Variants in ACOXL observed in about 807,000 individuals in gnomAD.
The protein encoded by ACOXL is acyl-CoA oxidase like.
ACOXL carries 70 observed loss-of-function variants against 71.9 expected under a neutral mutation model. That is an observed-to-expected ratio of 0.97 (90% CI 0.80 to 1.19). ACOXL has a LOEUF of 1.19. ACOXL is among the 50% of genes most tolerant of loss of function. The pLI is 0.00. For synonymous variants in ACOXL, 253 were observed against 281.6 expected (o/e 0.90, Z 1.02); for missense variants, 703 against 736.3 (o/e 0.95, Z 0.52).
intron 10 of ACOXL, among the ~76,000 whole-genome samples, chr2:110,866,176 G>A (rs1398084670): frequency 6.6e-6 from 1 of 152,198 alleles, no homozygotes; most frequent in Admixed American, 6.5e-5. Flanking sequence ...CCTGGGGACA[G>A]CAGTGTCAGG....
intron 7 of ACOXL, among the ~76,000 whole-genome samples, chr2:110,800,457 A>G (rs542822546): frequency 8.5e-5 from 13 of 152,134 alleles, no homozygotes; most frequent in African/African-American, 2.9e-4. Flanking sequence ...TGTAAAGACT[A>G]TCTTCAAATA....
At chr2:111,072,047 G>A (rs2067366892) in intron 16 of ACOXL, among the ~76,000 whole-genome samples, 1 of 152,200 alleles carries the variant, frequency 6.6e-6, no homozygotes, top group African/African-American at 2.4e-5. Flanking sequence ...TTCAATGAAA[G>A]AACAGGGAGA....
intron 11 of ACOXL, among the ~76,000 whole-genome samples, chr2:110,927,073 A>G (rs1304597039): frequency 6.6e-6 from 1 of 152,210 alleles, no homozygotes; most frequent in African/African-American, 2.4e-5. Context: ...AGGAGGCATC[A>G]GGAAACTTAC....
intron 12 of ACOXL, among the ~76,000 whole-genome samples, chr2:110,965,886 C>T (rs1434246536): frequency 6.6e-6 from 1 of 152,188 alleles, no homozygotes; most frequent in Non-Finnish European, 1.5e-5. Context: ...TACACATCCC[C>T]TGTATCTCTA....
intron 1 of ACOXL, among the ~76,000 whole-genome samples, chr2:110,746,046 C>T (rs930082264): frequency 6.6e-6 from 1 of 152,090 alleles, no homozygotes. Context: ...TCTCTGTATC[C>T]TCTACCTTAC....
intron 7 of ACOXL, among the ~76,000 whole-genome samples, chr2:110,800,396 C>T (rs955092936): frequency 7.2e-5 from 11 of 152,168 alleles, no homozygotes; most frequent in African/African-American, 2.7e-4. Context: ...AGAACAGAAG[C>T]CATTTAGATT....
intron 9 of ACOXL, among the ~76,000 whole-genome samples, chr2:110,809,294 G>T (rs758221592): frequency 1.6e-4 from 24 of 152,244 alleles, no homozygotes; most frequent in Non-Finnish European, 3.2e-4. Flanking sequence ...ACACTTGGCA[G>T]TGTGGCCCTG....
intron 13 of ACOXL, among the ~76,000 whole-genome samples, chr2:110,988,145 A>G (rs2063014802): frequency 1.3e-5 from 2 of 152,244 alleles, no homozygotes. Flanking sequence ...TCTTAGCAGA[A>G]TATTGATTTC....
At chr2:110,864,673 A>G (rs778270124) in intron 10 of ACOXL, among the ~76,000 whole-genome samples, 5 of 152,202 alleles carry the variant, frequency 3.3e-5, no homozygotes, top group Non-Finnish European at 7.3e-5. Context: ...AAGAGAGAGC[A>G]TTGCTAACAT....
intron 9 of ACOXL, among the ~76,000 whole-genome samples, chr2:110,825,982 C>T (rs1355703752): frequency 6.6e-6 from 1 of 152,274 alleles, no homozygotes; most frequent in Non-Finnish European, 1.5e-5. Context: ...TCAGTGATTG[C>T]ACCAGAGTGA....
chr2:111,056,304 G>T (rs1367892353), intron 16 of ACOXL, among the ~76,000 whole-genome samples: 1 of 151,816 alleles, frequency 6.6e-6, no homozygotes, highest in Admixed American at 6.6e-5. Context: ...CTATGCCATT[G>T]AAGCCCGGGA....
intron 9 of ACOXL, among the ~76,000 whole-genome samples, chr2:110,832,770 A>T (rs956168646): frequency 6.6e-6 from 1 of 152,220 alleles, no homozygotes; most frequent in African/African-American, 2.4e-5. Flanking sequence ...GGTAAAAGAG[A>T]TTAAGAGCTA....
chr2:110,751,178 G>T (rs1474724270), intron 1 of ACOXL, among the ~76,000 whole-genome samples: 3 of 151,832 alleles, frequency 2.0e-5, no homozygotes, highest in Non-Finnish European at 4.4e-5. Context: ...GCGGGTGCCT[G>T]TAGTCCCAGC....
intron 5 of ACOXL, among the ~76,000 whole-genome samples, chr2:110,795,225 G>C (rs1685148541): frequency 6.6e-6 from 1 of 152,126 alleles, no homozygotes; most frequent in Admixed American, 6.5e-5. Context: ...CCTGACCCAG[G>C]GTTGCTGGTT....
At chr2:110,769,172 A>C (rs1681528553) in intron 2 of ACOXL, among the ~76,000 whole-genome samples, 1 of 151,994 alleles carries the variant, frequency 6.6e-6, no homozygotes, top group Admixed American at 6.6e-5. Context: ...TATTTGTCTA[A>C]AAACTGTCAT....
chr2:110,814,850 T>A lies in ACOXL; in HGVS notation c.753+9455T>A, dbSNP rs187597007. Among the ~76,000 whole-genome samples, 22 of 152,346 alleles carry A rather than the reference T, an allele frequency of 1.4e-4. No individual in the cohort carries two copies. In the East Asian group the frequency reaches 3.1e-3, roughly 21 times the overall value. On this transcript the variant is annotated intron_variant, in intron 9 of 17. Coordinates refer to ENST00000439055, the MANE Select transcript of ACOXL (RefSeq NM_001142807.4). The stretch of plus-strand genomic sequence containing the variant: ...TACTCAGAATTGTATCATGTTTTTA[T>A]TTGCTTGATATTTTGATAATTGTAA...
intron 10 of ACOXL, among the ~76,000 whole-genome samples, chr2:110,842,418 T>A (rs899158456): frequency 6.6e-5 from 10 of 152,218 alleles, no homozygotes; most frequent in Non-Finnish European, 1.5e-5. Context: ...GCTAGGTGCA[T>A]GGCTGAGTCT....
intron 15 of ACOXL, among the ~76,000 whole-genome samples, chr2:111,043,259 A>T (rs1395910598): frequency 6.6e-6 from 1 of 152,202 alleles, no homozygotes; most frequent in Non-Finnish European, 1.5e-5. Flanking sequence ...CCACATCTCA[A>T]CGTGCAGGAG....
intron 2 of ACOXL, among the ~76,000 whole-genome samples, chr2:110,778,086 G>A (rs771326999): frequency 2.0e-5 from 3 of 152,214 alleles, no homozygotes; most frequent in African/African-American, 7.2e-5. Flanking sequence ...CCCAGTTGGC[G>A]CTGTGACTTC....
Sources: gnomAD v4.1 joint callset for allele counts (sites outside exome capture counted in the v4.1 genomes callset) on GRCh38, gnomAD v4.1.1 for gene constraint, MANE v1.5 for transcripts, NCBI Gene and HGNC (gene_info 2026-07-23, HGNC 2026-07-21) for gene names.